Variants in PIP5K1A observed in about 807,000 individuals in gnomAD.
The protein encoded by PIP5K1A is phosphatidylinositol-4-phosphate 5-kinase type 1 alpha.
A neutral mutation model predicts 72.9 loss-of-function variants in PIP5K1A; 46 were observed. The observed-to-expected ratio is 0.63, with a 90% CI of 0.50 to 0.81. The LOEUF is 0.81. PIP5K1A is among the 30% of genes least tolerant of loss of function. PIP5K1A has a pLI of 0.00. For missense variants in PIP5K1A, 458 were observed against 706.1 expected (o/e 0.65, Z 3.98); for synonymous variants, 228 against 255.1 (o/e 0.89, Z 1.01).
chr1:151,213,088 T>C (rs2102155354), intron 1 of PIP5K1A, among the ~76,000 whole-genome samples: 1 of 152,158 alleles, frequency 6.6e-6, no homozygotes, highest in South Asian at 2.1e-4. Context: ...GAGACGGGGT[T>C]TCACTGTGTT....
At chr1:151,197,739 A>T (rs1684686782), upstream of PIP5K1A, among the ~76,000 whole-genome samples, 1 of 152,210 alleles carries the variant, frequency 6.6e-6, no homozygotes, top group African/African-American at 2.4e-5. Context: ...GGAGCTGGAG[A>T]TACAAGAGTG....
chr1:151,209,978 G>T (rs1263561588), intron 1 of PIP5K1A, among the ~76,000 whole-genome samples: 1 of 151,708 alleles, frequency 6.6e-6, no homozygotes, highest in African/African-American at 2.4e-5. Context: ...CTGCCTCCTG[G>T]GTTCAAGAGA....
At chr1:151,239,927 A>G (rs779773218) in intron 11 of PIP5K1A, 28 bp from the exon 12 acceptor site, 1 of 1,335,702 alleles carries the variant, frequency 7.5e-7, no homozygotes, top group South Asian at 1.2e-5. Context: ...GGGCCTCCTA[A>G]CTCTATAGCA....
At position 151,199,143 on chromosome 1, in the gene PIP5K1A, G is replaced by C. The variant is rs768474668; in HGVS notation, c.85+62G>C. On this transcript the variant is annotated intron_variant, in intron 1 of 15. Coordinates refer to ENST00000368888, the MANE Select transcript of PIP5K1A (RefSeq NM_001135638.2). ...GAATATGCGATGGGAGGAAGAGCGA[G>C]ACCTAAGAGGGTACCTGTAGCTGGG... 5 of 1,611,248 alleles carry C rather than the reference G, an allele frequency of 3.1e-6. No homozygotes were observed. The South Asian group carries it at 5.5e-5, about 18-fold the overall frequency.
intron 1 of PIP5K1A, 172 bp from the exon 2 acceptor site, chr1:151,224,073 G>A: frequency 1.5e-6 from 1 of 647,032 alleles, no homozygotes; most frequent in Non-Finnish European, 2.8e-6. Context: ...TGAGTATGGA[G>A]AAGGAGAGAG....
At chr1:151,229,167 C>CAGA (rs1553298079) in intron 4 of PIP5K1A, among the ~76,000 whole-genome samples, 8 of 41,364 alleles carry the variant, frequency 1.9e-4, no homozygotes, top group Non-Finnish European at 3.0e-4. Context: ...GACCCCGTCT[C>CAGA]AAAAAAAAAA....
At chr1:151,236,305 C>A (rs1370777081) in intron 8 of PIP5K1A, among the ~76,000 whole-genome samples, 1 of 151,020 alleles carries the variant, frequency 6.6e-6, no homozygotes, top group African/African-American at 2.4e-5. Context: ...ATGGTGAAAC[C>A]GTCTCTATGA....
At chr1:151,231,603 T>A in intron 4 of PIP5K1A, 68 bp from the exon 5 acceptor site, 4 of 1,398,700 alleles carry the variant, frequency 2.9e-6, no homozygotes, top group Non-Finnish European at 4.1e-6. Flanking sequence ...AGCTTCCCCT[T>A]TCTGAATTTT....
At chr1:151,207,895 G>A (rs1428671839) in intron 1 of PIP5K1A, among the ~76,000 whole-genome samples, 12 of 145,404 alleles carry the variant, frequency 8.3e-5, no homozygotes, top group East Asian at 2.0e-4. Flanking sequence ...ACAGAGTTTC[G>A]CTCTTGCTGC....
intron 1 of PIP5K1A, among the ~76,000 whole-genome samples, chr1:151,215,768 C>T (rs767117693): frequency 6.6e-6 from 1 of 152,114 alleles, no homozygotes; most frequent in South Asian, 2.1e-4. Flanking sequence ...AGAGGCTTCT[C>T]CTTCTGCCAT....
chr1:151,198,445 A>G (rs1684742322), upstream of PIP5K1A: 2 of 231,474 alleles, frequency 8.6e-6, no homozygotes, highest in Non-Finnish European at 8.8e-6. Context: ...GGGCGTGAGG[A>G]CCCACCTCAC....
At chr1:151,205,982 A>G (rs1451957078) in intron 1 of PIP5K1A, among the ~76,000 whole-genome samples, 1 of 152,114 alleles carries the variant, frequency 6.6e-6, no homozygotes, top group Non-Finnish European at 1.5e-5. Context: ...TGAAACACCG[A>G]TGGTGTTTCC....
At chr1:151,196,120 A>G (rs929261949), upstream of PIP5K1A, among the ~76,000 whole-genome samples, 2 of 151,722 alleles carry the variant, frequency 1.3e-5, no homozygotes, top group African/African-American at 2.4e-5. Flanking sequence ...GATGGTCTCG[A>G]TCTCCTGACC....
chr1:151,219,396 AAAAG>A (rs1037710362), intron 1 of PIP5K1A, among the ~76,000 whole-genome samples: 2 of 150,080 alleles, frequency 1.3e-5, no homozygotes, highest in African/African-American at 4.9e-5. Flanking sequence ...AAAAAAAAAA[AAAAG>A]AAGAGGGCTG....
chr1:151,216,298 G>A (rs1162731360), intron 1 of PIP5K1A, among the ~76,000 whole-genome samples: 1 of 149,260 alleles, frequency 6.7e-6, no homozygotes, highest in Non-Finnish European at 1.5e-5. Flanking sequence ...GCAGTGAGCC[G>A]AGATCGTGCC....
In PIP5K1A at chr1:151,224,230, T is replaced by C. The variant is rs951023854; in HGVS notation, c.86-15T>C. Reference sequence around the variant, plus strand: ...GTGTGATACACTCTTATGATTGTTTTTTTTTCCCCCCTAGCAGCATCTGGA... The same window carrying C: ...GTGTGATACACTCTTATGATTGTTTCTTTTTCCCCCCTAGCAGCATCTGGA... On this transcript the variant is annotated splice_polypyrimidine_tract_variant and intron_variant, in intron 1 of 15. Transcript: ENST00000368888. The C allele has an allele frequency of 1.9e-6, 3 of 1,611,532 alleles. No individual in the cohort carries two copies. The highest frequency in any genetic ancestry group is 2.7e-5 in the African/African-American group (2 of 74,862).
chr1:151,199,282 T>G (rs1373524213), intron 1 of PIP5K1A: 2 of 1,106,456 alleles, frequency 1.8e-6, no homozygotes, highest in African/African-American at 3.2e-5. Flanking sequence ...GTCGAAAACT[T>G]TGGTTGTCTT....
chr1:151,229,481 T>C (rs1455593487), intron 4 of PIP5K1A, among the ~76,000 whole-genome samples: 1 of 151,214 alleles, frequency 6.6e-6, no homozygotes, highest in Non-Finnish European at 1.5e-5. Context: ...CCTGCCTCAG[T>C]CTCCCAAGTA....
In PIP5K1A at chr1:151,218,831, C is replaced by CAA. The variant is rs5777767; in HGVS notation, c.86-5393_86-5392dup. ...CTGGCAACAGAGTGAGACTCTGTCT[C>CAA]AAAAAAAAAAAAAAAAAAAAAAGGC... On this transcript the variant is annotated intron_variant, in intron 1 of 15. Transcript: ENST00000368888. Among the ~76,000 whole-genome samples, 323 of 70,446 alleles carry CAA rather than the reference C, an allele frequency of 4.6e-3. 4 individuals carry two copies. Among genetic ancestry groups the CAA allele is most frequent in the African/African-American group, 0.015 (267 of 17,662 alleles). The allele number at this position is 70,446 out of a possible 152,430, so 46.2% of individuals were successfully genotyped here.
Sources: allele counts gnomAD v4.1 joint callset (sites outside exome capture counted in the v4.1 genomes callset), GRCh38; gene constraint gnomAD v4.1.1; transcripts MANE v1.5; gene names NCBI Gene and HGNC (gene_info 2026-07-23, HGNC 2026-07-21).